MTA3: variants seen among roughly 807,000 people sequenced by gnomAD.
MTA3 encodes metastasis-associated protein MTA3.
In MTA3, 34 loss-of-function variants were observed where a neutral mutation model predicts 83.5. The observed-to-expected ratio is 0.41, with a 90% CI of 0.31 to 0.54. The LOEUF is 0.54. Ranked by LOEUF, MTA3 falls within the 20% of genes least tolerant of loss-of-function variation. MTA3 has a pLI of 0.33. For missense variants in MTA3, 761 were observed against 726.4 expected (o/e 1.05, Z -0.55); for synonymous variants, 303 against 252.7 (o/e 1.20, Z -1.89).
chr2:42,592,663 AG>A (rs1292649942), intron 3 of MTA3, among the ~76,000 whole-genome samples: 1 of 152,150 alleles, frequency 6.6e-6, no homozygotes, highest in Non-Finnish European at 1.5e-5. Context: ...AGGCCTACAC[AG>A]GGTCAGGATC....
At chr2:42,595,106 A>ATTTTTTTTTT (rs67598721) in intron 3 of MTA3, among the ~76,000 whole-genome samples, 2 of 77,032 alleles carry the variant, frequency 2.6e-5, no homozygotes, top group African/African-American at 5.4e-5. Flanking sequence ...CAGGAGCTTC[A>ATTTTTTTTTT]TTTTTTTTTT....
intron 4 of MTA3, among the ~76,000 whole-genome samples, chr2:42,611,885 G>T (rs140573267): frequency 6.6e-6 from 1 of 152,284 alleles, no homozygotes; most frequent in East Asian, 1.9e-4. Flanking sequence ...GTGTTGCCCA[G>T]ATTGGTCATG....
chr2:42,567,766 C>T (rs770583277), upstream of MTA3, among the ~76,000 whole-genome samples: 1 of 151,894 alleles, frequency 6.6e-6, no homozygotes, highest in Non-Finnish European at 1.5e-5. Flanking sequence ...AAGTGTCCAT[C>T]GACATGAAAC....
chr2:42,599,871 G>C (rs989173322), intron 3 of MTA3, among the ~76,000 whole-genome samples: 1 of 151,948 alleles, frequency 6.6e-6, no homozygotes, highest in African/African-American at 2.4e-5. Flanking sequence ...ATACAGTTAG[G>C]GAAATGTTTT....
chr2:42,676,070 T>G (rs914238639), intron 8 of MTA3, among the ~76,000 whole-genome samples: 12 of 152,244 alleles, frequency 7.9e-5, no homozygotes, highest in African/African-American at 2.2e-4. Context: ...GGTATAAATG[T>G]GCGCTTTGGA....
At chr2:42,549,368 T>C (rs1460237515) in intron 2 of MTA3, among the ~76,000 whole-genome samples, 2 of 121,616 alleles carry the variant, frequency 1.6e-5, no homozygotes, top group Non-Finnish European at 3.2e-5. Context: ...TATACGTATA[T>C]ACGTATATAA....
At chr2:42,663,669 G>T (rs922354567) in intron 8 of MTA3, among the ~76,000 whole-genome samples, 5 of 152,158 alleles carry the variant, frequency 3.3e-5, no homozygotes, top group African/African-American at 1.2e-4. Flanking sequence ...TGAGGCTGAG[G>T]TGGAGGGATC....
At chr2:42,551,791 G>A (rs561218701) in intron 2 of MTA3, among the ~76,000 whole-genome samples, 2 of 151,416 alleles carry the variant, frequency 1.3e-5, no homozygotes, top group African/African-American at 4.8e-5. Context: ...GCAGTGGTGC[G>A]ATCTCGGCTC....
At chr2:42,748,069 G>T (rs368585938) in intron 16 of MTA3, among the ~76,000 whole-genome samples, 9 of 151,902 alleles carry the variant, frequency 5.9e-5, no homozygotes, top group African/African-American at 1.9e-4. Context: ...TCCCTCTGTC[G>T]CCAGGTGGGA....
intron 2 of MTA3, among the ~76,000 whole-genome samples, chr2:42,525,611 C>CT (rs1473921846): frequency 7.2e-6 from 1 of 138,024 alleles, no homozygotes; most frequent in Non-Finnish European, 1.6e-5. Flanking sequence ...CCTTTCCTTC[C>CT]TTCCTTCCTT....
At chr2:42,621,660 G>A (rs1376290775) in intron 4 of MTA3, among the ~76,000 whole-genome samples, 4 of 151,160 alleles carry the variant, frequency 2.6e-5, no homozygotes, top group East Asian at 3.9e-4. Context: ...CTCCCAGACG[G>A]GGTGGCAGCC....
intron 2 of MTA3, 50 bp from the exon 3 acceptor site, chr2:42,579,053 ATTAT>A: frequency 8.0e-7 from 1 of 1,247,264 alleles, no homozygotes; most frequent in Non-Finnish European, 1.1e-6. Flanking sequence ...CGTTGTATAA[ATTAT>A]TTGACTCTAA....
chr2:42,598,239 G>C (rs1000639323), intron 3 of MTA3, among the ~76,000 whole-genome samples: 1 of 151,834 alleles, frequency 6.6e-6, no homozygotes, highest in Middle Eastern at 3.4e-3. Flanking sequence ...CTAATTTTTT[G>C]TATTTTTAGT....
At chr2:42,610,510 AAAC>A (rs1282903958) in intron 4 of MTA3, among the ~76,000 whole-genome samples, 1 of 152,188 alleles carries the variant, frequency 6.6e-6, no homozygotes, top group Non-Finnish European at 1.5e-5. Flanking sequence ...ACTGCAGAAA[AAAC>A]AAAAAGTGAA....
chr2:42,571,795 A>G (rs1678515410), intron 2 of MTA3, among the ~76,000 whole-genome samples: 1 of 151,942 alleles, frequency 6.6e-6, no homozygotes, highest in Non-Finnish European at 1.5e-5. Flanking sequence ...TAAAAATACA[A>G]AATTAGCTGA....
At chr2:42,544,113 A>T (rs1435886401) in intron 2 of MTA3, among the ~76,000 whole-genome samples, 1 of 152,144 alleles carries the variant, frequency 6.6e-6, no homozygotes, top group Non-Finnish European at 1.5e-5. Flanking sequence ...CAGAATGTCC[A>T]GATGTCTCCT....
intron 16 of MTA3, among the ~76,000 whole-genome samples, chr2:42,744,233 T>G (rs140600301): frequency 6.6e-6 from 1 of 152,204 alleles, no homozygotes; most frequent in African/African-American, 2.4e-5. Context: ...ACAGATCCAA[T>G]TGCATTCGGC....
chr2:42,753,385 T>A lies in MTA3; in HGVS notation c.1771T>A (p.Cys591Ser). 1.3e-6 allele frequency: 2 copies of A among 1,550,616 alleles called. No homozygotes were observed. Among genetic ancestry groups the A allele is most frequent in the Non-Finnish European group, 1.7e-6 (2 of 1,146,980 alleles). Reference sequence around the variant, plus strand: ...CTTCCCTTTTCTAGAACTCACGTGCTGTGTGTCAGACTGAGCTTTCCCTGA... The same window carrying A: ...CTTCCCTTTTCTAGAACTCACGTGCAGTGTGTCAGACTGAGCTTTCCCTGA... ...HHNGLDELTC[C>S]VSD Residue 591 changes from cysteine (C) to serine (S), a missense_variant, in exon 17 of 17, where the codon TGT (cysteine) becomes AGT (serine). Transcript: ENST00000405094.
chr2:42,668,676 G>A (rs10865184), intron 8 of MTA3, among the ~76,000 whole-genome samples: 30,269 of 151,996 alleles, frequency 0.2, 3,321 homozygotes, highest in East Asian at 0.5. Context: ...TAGGTATTTT[G>A]TCATGCCGTG....
Sources: allele counts gnomAD v4.1 joint callset (sites outside exome capture counted in the v4.1 genomes callset), GRCh38; gene constraint gnomAD v4.1.1; transcripts MANE v1.5; gene names NCBI Gene and HGNC (gene_info 2026-07-23, HGNC 2026-07-21).